Variants in CHN1 observed in about 807,000 individuals in gnomAD.
CHN1 encodes chimerin 1.
Under a neutral mutation model 59.5 loss-of-function variants are expected in CHN1, and 37 were observed. The ratio of observed to expected loss-of-function variants is 0.62; its 90% CI spans 0.48 to 0.82. CHN1 has a LOEUF of 0.82. Ranked by LOEUF, CHN1 falls within the 40% of genes least tolerant of loss-of-function variation. The pLI is 0.00. For synonymous variants in CHN1, 206 were observed against 200.4 expected, an observed-to-expected ratio of 1.03 and a Z score of -0.24; for missense variants, 469 against 571.0, an observed-to-expected ratio of 0.82 and a Z score of 1.82.
intron 1 of CHN1, among the ~76,000 whole-genome samples, chr2:174,954,450 TA>T (rs1248741034): frequency 6.6e-6 from 1 of 152,148 alleles, no homozygotes; most frequent in Admixed American, 6.5e-5. Flanking sequence ...AGATGGAACT[TA>T]ATTAAATGAA....
At chr2:174,936,505 G>GCA (rs886827641) in intron 3 of CHN1, among the ~76,000 whole-genome samples, 2 of 151,684 alleles carry the variant, frequency 1.3e-5, no homozygotes, top group African/African-American at 4.8e-5. Flanking sequence ...ATACATACAT[G>GCA]CACACACACA....
rs752199898 is a variant in CHN1, at chr2:174,853,573, C to T, written c.550-6616G>A. Among the ~76,000 whole-genome samples the T allele has an allele frequency of 5.9e-5, 9 of 152,122 alleles. No homozygotes were observed. In the South Asian group the frequency reaches 6.2e-4, roughly 11 times the overall value. On this transcript the variant is annotated intron_variant, in intron 6 of 12. Transcript: ENST00000409900. ...AATAATTTAAAACAGAACTACCATT[C>T]GACCCAGCAATCCCACTACTAGGTA...
intron 6 of CHN1, among the ~76,000 whole-genome samples, chr2:174,869,906 G>T (rs140063314): frequency 6.6e-6 from 1 of 152,098 alleles, no homozygotes; most frequent in East Asian, 1.9e-4. Flanking sequence ...TCTTAAGAAG[G>T]TGCTAAACAA....
intron 1 of CHN1, 97 bp downstream of exon 1, chr2:175,004,797 G>A: frequency 1.6e-6 from 1 of 643,474 alleles, no homozygotes; most frequent in Non-Finnish European, 2.0e-6. Flanking sequence ...CCCACGCGCC[G>A]CGCCCCCTCC....
chr2:174,814,707 G>A (rs1047161319), intron 8 of CHN1, among the ~76,000 whole-genome samples: 1 of 152,162 alleles, frequency 6.6e-6, no homozygotes, highest in African/African-American at 2.4e-5. Context: ...CACTTTGAAA[G>A]GCCTTTTCTA....
intron 8 of CHN1, among the ~76,000 whole-genome samples, chr2:174,814,891 G>A (rs1318577655): frequency 6.6e-6 from 1 of 152,078 alleles, no homozygotes; most frequent in Non-Finnish European, 1.5e-5. Flanking sequence ...TTAAATAAAA[G>A]GACCCGAAGT....
rs1228781903 is a variant in CHN1, at chr2:174,946,471, T to C, written c.59-1528A>G. Among the ~76,000 whole-genome samples, 4 of 152,304 alleles carry C rather than the reference T, an allele frequency of 2.6e-5. No individual in the cohort carries two copies. The South Asian group carries it at 8.3e-4, about 32-fold the overall frequency. ...TTTAAATTCTACTGGTAGAAATGTA[T>C]TCCTTTACCTTTTTCTCCTGATGGC... On this transcript the variant is annotated intron_variant, in intron 2 of 12. Coordinates refer to ENST00000409900, the MANE Select transcript of CHN1 (RefSeq NM_001822.7).
At position 174,812,359 on chromosome 2, in the gene CHN1, G is replaced by C. The variant is rs1169155085; in HGVS notation, c.836C>G (p.Thr279Ser). 6.2e-7 allele frequency: 1 copy of C among 1,613,860 alleles called. No homozygotes were observed. The highest frequency in any genetic ancestry group is 1.3e-5 in the African/African-American group (1 of 74,918). Reference sequence around the variant, plus strand: ...CATGTCTACCACCATTGGCCGCTTAGTGGTATGTGCTTTCACGAGCGTCGT... The same window carrying C: ...CATGTCTACCACCATTGGCCGCTTACTGGTATGTGCTTTCACGAGCGTCGT... ...DLTTLVKAHT[T>S]KRPMVVDMCI... Residue 279 changes from threonine (T) to serine (S), a missense_variant, in exon 9 of 13, where the codon ACT becomes AGT. Physicochemically the swap from Thr to Ser is moderately conservative, Grantham distance 58. Around this residue, in one of 5 missense-constraint regions of CHN1, gnomAD observed 225 missense variants for 289.9 expected, o/e 0.78. Coordinates refer to ENST00000409900, the MANE Select transcript of CHN1 (RefSeq NM_001822.7).
intron 6 of CHN1, among the ~76,000 whole-genome samples, chr2:174,875,225 T>C (rs894321480): frequency 2.0e-5 from 3 of 152,326 alleles, no homozygotes; most frequent in African/African-American, 7.2e-5. Flanking sequence ...TATTTGAGCA[T>C]AGAACCCTTT....
At chr2:174,950,265 T>A (rs1689981458) in intron 2 of CHN1, among the ~76,000 whole-genome samples, 1 of 151,580 alleles carries the variant, frequency 6.6e-6, no homozygotes, top group Admixed American at 6.6e-5. Flanking sequence ...TTTTTTTTAA[T>A]GTCTTTTTTT....
intron 5 of CHN1, among the ~76,000 whole-genome samples, chr2:174,880,439 A>C (rs1687698137): frequency 1.3e-5 from 2 of 152,180 alleles, no homozygotes; most frequent in African/African-American, 4.8e-5. Context: ...TTTATCTGAA[A>C]GGCATATTGT....
intron 1 of CHN1, among the ~76,000 whole-genome samples, chr2:174,996,462 A>T (rs1691711542): frequency 6.6e-6 from 1 of 152,216 alleles, no homozygotes; most frequent in African/African-American, 2.4e-5. Context: ...ATCTTCAACC[A>T]CTATACTAAG....
At chr2:174,950,782 T>G (rs1444243010) in intron 2 of CHN1, among the ~76,000 whole-genome samples, 2 of 149,432 alleles carry the variant, frequency 1.3e-5, no homozygotes, top group African/African-American at 5.0e-5. Context: ...GAGAAGTTTT[T>G]TTTTTTTTTT....
intron 6 of CHN1, among the ~76,000 whole-genome samples, chr2:174,877,342 A>G (rs1687597784): frequency 6.6e-6 from 1 of 152,128 alleles, no homozygotes; most frequent in Non-Finnish European, 1.5e-5. Context: ...TCCTCCTCCT[A>G]TTCAAGAATG....
intron 8 of CHN1, among the ~76,000 whole-genome samples, chr2:174,813,095 A>C (rs1685129469): frequency 6.6e-6 from 1 of 152,212 alleles, no homozygotes; most frequent in South Asian, 2.1e-4. Context: ...TAAGTGCTTT[A>C]CATTTATTAT....
chr2:174,981,992 T>C (rs1691167986), intron 1 of CHN1, among the ~76,000 whole-genome samples: 1 of 152,156 alleles, frequency 6.6e-6, no homozygotes, highest in Admixed American at 6.5e-5. Context: ...TTCCCCTTCC[T>C]GTGTCCATGT....
At chr2:174,871,724 G>A (rs1292307967) in intron 6 of CHN1, among the ~76,000 whole-genome samples, 1 of 152,116 alleles carries the variant, frequency 6.6e-6, no homozygotes, top group Non-Finnish European at 1.5e-5. Flanking sequence ...AGATGATAAA[G>A]GAAGCTTGTC....
chr2:174,821,560 C>T (rs917865670), intron 8 of CHN1, among the ~76,000 whole-genome samples: 14 of 152,156 alleles, frequency 9.2e-5, no homozygotes, highest in South Asian at 2.1e-4. Flanking sequence ...CTTATGAGGG[C>T]GCCTCCCCTG....
At chr2:174,973,000 GA>G (rs1264345632) in intron 1 of CHN1, among the ~76,000 whole-genome samples, 3 of 152,064 alleles carry the variant, frequency 2.0e-5, no homozygotes, top group Non-Finnish European at 4.4e-5. Context: ...AATATAAAAA[GA>G]AAATTAAAGC....
Sources: gnomAD v4.1 joint callset for allele counts (sites outside exome capture counted in the v4.1 genomes callset) on GRCh38, gnomAD v4.1.1 for gene constraint, gnomAD v4.1.1 regional missense constraint, MANE v1.5 for transcripts, NCBI Gene and HGNC (gene_info 2026-07-23, HGNC 2026-07-21) for gene names.